Variants in ZEB1 observed in about 807,000 individuals in gnomAD.
ZEB1 encodes zinc finger E-box-binding homeobox 1.
ZEB1 carries 21 observed loss-of-function variants against 84.9 expected under a neutral mutation model. The observed-to-expected ratio is 0.25, with a 90% CI of 0.18 to 0.36. The LOEUF is 0.36. ZEB1 is among the 10% of genes least tolerant of loss of function. The probability of loss-of-function intolerance (pLI) is 1.00; values close to 1 mark genes in which losing one functional copy is unlikely to be tolerated. For synonymous variants in ZEB1, 420 were observed against 471.1 expected (o/e 0.89, Z 1.41); for missense variants, 1,104 against 1,330.2 (o/e 0.83, Z 2.65).
intron 5 of ZEB1, among the ~76,000 whole-genome samples, chr10:31,513,949 C>A (rs1190219927): frequency 6.6e-6 from 1 of 152,056 alleles, no homozygotes; most frequent in African/African-American, 2.4e-5. Flanking sequence ...GCAATTCAAG[C>A]AGTGCTTTTG....
intron 1 of ZEB1, among the ~76,000 whole-genome samples, chr10:31,379,094 T>C (rs1348397722): frequency 1.3e-5 from 2 of 152,076 alleles, no homozygotes. Context: ...ACTCCTATTA[T>C]GTAGCTGAGA....
At chr10:31,410,434 A>G (rs958472530) in intron 1 of ZEB1, among the ~76,000 whole-genome samples, 6 of 152,120 alleles carry the variant, frequency 3.9e-5, no homozygotes, top group African/African-American at 7.2e-5. Context: ...TTTTGCCCCA[A>G]TGTTCATCAG....
chr10:31,441,839 A>C (rs1014530083), intron 1 of ZEB1, among the ~76,000 whole-genome samples: 17 of 152,244 alleles, frequency 1.1e-4, no homozygotes, highest in Admixed American at 2.6e-4. Context: ...AGAGAAATGC[A>C]AATCAAAACC....
intron 1 of ZEB1, among the ~76,000 whole-genome samples, chr10:31,371,869 G>A (rs1207790826): frequency 6.6e-6 from 1 of 152,096 alleles, no homozygotes; most frequent in African/African-American, 2.4e-5. Context: ...TAAGCTCTAG[G>A]CTTTGTTTCT....
intron 1 of ZEB1, among the ~76,000 whole-genome samples, chr10:31,332,595 C>G (rs2037028349): frequency 6.6e-6 from 1 of 152,112 alleles, no homozygotes; most frequent in East Asian, 1.9e-4. Flanking sequence ...CTGAATGTTT[C>G]TCATTCAGAA....
intron 1 of ZEB1, chr10:31,321,590 A>G (rs1435672773): frequency 6.2e-7 from 1 of 1,613,516 alleles, no homozygotes; most frequent in Admixed American, 1.7e-5. Flanking sequence ...GTTGATCGCC[A>G]GAGAAAGGGG....
At position 31,528,631 on chromosome 10, in the gene ZEB1, ATATT is replaced by A. The variant is rs1187051990; in HGVS notation, c.*1371_*1374del. On this transcript the variant is annotated 3_prime_UTR_variant, in exon 9 of 9. Transcript: ENST00000424869. ...GTACTTTTAGTTTTAGAAAACTTTT[ATATT>A]TATGTGTCTTATTTTTATATTTCTT... 6.6e-6 allele frequency: 1 copy of A among 152,092 alleles called. No homozygotes were observed. Among genetic ancestry groups the A allele is most frequent in the Non-Finnish European group, 1.5e-5 (1 of 68,010 alleles). The allele number at this position is 152,092 out of a possible 1,614,324, so 9.4% of individuals were successfully genotyped here. A position where few individuals can be genotyped will look rare whatever the true frequency, so the allele number is the denominator to read the frequency against.
intron 1 of ZEB1, among the ~76,000 whole-genome samples, chr10:31,418,556 A>G (rs1291562008): frequency 6.6e-6 from 1 of 152,104 alleles, no homozygotes; most frequent in Non-Finnish European, 1.5e-5. Context: ...AAACAGAACT[A>G]GTTTGGTTTT....
chr10:31,361,710 C>G (rs573072976), intron 1 of ZEB1, among the ~76,000 whole-genome samples: 200 of 151,256 alleles, frequency 1.3e-3, no homozygotes, highest in African/African-American at 4.7e-3. Flanking sequence ...TCCTCACTTC[C>G]CAGATGGGAC....
chr10:31,472,338 A>T (rs1187678067), intron 2 of ZEB1, among the ~76,000 whole-genome samples: 1 of 152,184 alleles, frequency 6.6e-6, no homozygotes, highest in East Asian at 1.9e-4. Flanking sequence ...AAAAGAGAGA[A>T]GAATCAAATA....
chr10:31,468,687 C>T (rs1296349230), intron 2 of ZEB1, among the ~76,000 whole-genome samples: 1 of 152,174 alleles, frequency 6.6e-6, no homozygotes, highest in Non-Finnish European at 1.5e-5. Context: ...TTATACAGAG[C>T]CTTGGCCCCC....
intron 1 of ZEB1, chr10:31,360,961 A>G (rs1590277295): frequency 1.2e-6 from 2 of 1,602,264 alleles, no homozygotes; most frequent in Admixed American, 1.7e-5. Flanking sequence ...AACTATGGCG[A>G]CCGCCACGGA....
intron 4 of ZEB1, among the ~76,000 whole-genome samples, chr10:31,508,834 A>G (rs1043770787): frequency 3.9e-5 from 6 of 152,264 alleles, no homozygotes; most frequent in African/African-American, 1.4e-4. Flanking sequence ...CTTTAGCCCC[A>G]GACAGCGGCT....
intron 1 of ZEB1, among the ~76,000 whole-genome samples, chr10:31,348,570 TAAAAAGA>T (rs1214852094): frequency 1.3e-5 from 2 of 150,912 alleles, no homozygotes; most frequent in Non-Finnish European, 3.0e-5. Context: ...TCTCAAAAAA[TAAAAAGA>T]AAAAAGAAAA....
intron 2 of ZEB1, 131 bp from the exon 3 acceptor site, chr10:31,495,645 A>G (rs1206597494): frequency 1.2e-6 from 1 of 856,446 alleles, no homozygotes; most frequent in Admixed American, 2.0e-5. Flanking sequence ...AGTACATGTG[A>G]TATTTTGATA....
At chr10:31,447,264 T>C (rs370397710) in intron 1 of ZEB1, among the ~76,000 whole-genome samples, 1 of 150,866 alleles carries the variant, frequency 6.6e-6, no homozygotes, top group African/African-American at 2.4e-5. Flanking sequence ...TTCCATTTGC[T>C]TGGTAGATCT....
At chr10:31,340,059 A>G (rs1194864182) in intron 1 of ZEB1, among the ~76,000 whole-genome samples, 1 of 152,200 alleles carries the variant, frequency 6.6e-6, no homozygotes, top group Non-Finnish European at 1.5e-5. Flanking sequence ...AAAGTGAGAA[A>G]TATTTCTTGA....
chr10:31,449,663 G>A (rs1182381253), intron 1 of ZEB1, among the ~76,000 whole-genome samples: 5 of 152,052 alleles, frequency 3.3e-5, no homozygotes, highest in Non-Finnish European at 7.4e-5. Flanking sequence ...GCCCATCCCT[G>A]TAATAGTACA....
At chr10:31,446,876 A>G (rs907212667) in intron 1 of ZEB1, among the ~76,000 whole-genome samples, 3 of 152,124 alleles carry the variant, frequency 2.0e-5, no homozygotes, top group East Asian at 3.9e-4. Context: ...GTGCTGAAAA[A>G]AATGTATATT....
Sources: allele counts gnomAD v4.1 joint callset (sites outside exome capture counted in the v4.1 genomes callset), GRCh38; gene constraint gnomAD v4.1.1; transcripts MANE v1.5; gene names NCBI Gene and HGNC (gene_info 2026-07-23, HGNC 2026-07-21).